Variants in TMEM185B observed in about 807,000 individuals in gnomAD.
TMEM185B encodes ee3_2.
In TMEM185B, 9 loss-of-function variants were observed where a neutral mutation model predicts 26.2. The ratio of observed to expected loss-of-function variants is 0.34; its 90% CI spans 0.21 to 0.60. The LOEUF (loss-of-function observed/expected upper bound fraction) is 0.60, where lower values mean the gene tolerates loss of function less well. Among genes scored for constraint, TMEM185B ranks in the 20% least tolerant of loss-of-function variants. The pLI, the probability that TMEM185B is intolerant of heterozygous loss-of-function variation, is 0.80. For synonymous variants in TMEM185B, 204 were observed against 191.8 expected, an observed-to-expected ratio of 1.06 and a Z score of -0.52; for missense variants, 392 against 447.9, an observed-to-expected ratio of 0.88 and a Z score of 1.13.
At position 120,222,122 on chromosome 2, in the gene TMEM185B, A is replaced by G; in HGVS notation, c.855T>C (p.Ile285=). Residue 285 remains isoleucine (I), a synonymous_variant, in exon 1 of 1, where the codon ATT becomes ATC. Coordinates refer to ENST00000426077, the MANE Select transcript of TMEM185B (RefSeq NM_024121.3). ...RRDFCQFLLE[I]FPFLREYGNI... ...TCCCATATTCTCTTAAAAATGGGAA[A>G]ATTTCAAGCAGAAACTGACAGAAGT... is the stretch of plus-strand genomic sequence containing the variant. 1 of 1,563,412 alleles carries G rather than the reference A, an allele frequency of 6.4e-7. No individual in the cohort carries two copies. Among genetic ancestry groups the G allele is most frequent in the Non-Finnish European group, 8.7e-7 (1 of 1,154,760 alleles).
Position 120,222,366 on chromosome 2 carries a change from G to A in TMEM185B, c.611C>T (p.Ala204Val). Residue 204 changes from alanine to valine, a missense_variant, in exon 1 of 1, where the codon GCC becomes GTC. Ala to Val is a moderately conservative substitution (Grantham distance 64). Coordinates refer to ENST00000426077, the MANE Select transcript of TMEM185B (RefSeq NM_024121.3). ...GGTCACGTGTGTTCTCCGCTGCTCG[G>A]CAACCACATCCAGGGACCGCAGGAA... ...LLFLRSLDVV[A>V]EQRRTHVTMA... is the part of the protein sequence containing the mutation. The A allele has an allele frequency of 6.5e-7, 1 of 1,536,184 alleles. No individual in the cohort carries two copies. The highest frequency in any genetic ancestry group is 8.7e-7 in the Non-Finnish European group (1 of 1,146,918).
In TMEM185B at chr2:120,218,400, A is replaced by C. The variant is rs1291380017; in HGVS notation, c.*3524T>G. ...GTGGTGCAGCCCTGCCTGGGTTTCC[A>C]GCCACACAACTTCCCGGATCCCTGT... is the stretch of plus-strand genomic sequence containing the variant. On this transcript the variant is annotated 3_prime_UTR_variant, in exon 1 of 1. Coordinates refer to ENST00000426077, the MANE Select transcript of TMEM185B (RefSeq NM_024121.3). 2.0e-5 allele frequency among the ~76,000 whole-genome samples: 3 copies of C among 152,166 alleles called. No homozygotes were observed. Among genetic ancestry groups the C allele is most frequent in the African/African-American group, 7.2e-5 (3 of 41,426 alleles).
rs1426310841 is a variant in TMEM185B, at chr2:120,219,438, TC to T, written c.*2485del. Among the ~76,000 whole-genome samples the T allele has an allele frequency of 6.6e-6, 1 of 151,940 alleles. No homozygotes were observed. The highest frequency in any genetic ancestry group is 1.5e-5 in the Non-Finnish European group (1 of 67,990). On this transcript the variant is annotated 3_prime_UTR_variant, in exon 1 of 1. Coordinates refer to ENST00000426077, the MANE Select transcript of TMEM185B (RefSeq NM_024121.3). ...TTGTTTCCACACTAGATGCTGGCTT[TC>T]CAACACCAGATAGCTTGGGGGAAGA... is the stretch of plus-strand genomic sequence containing the variant.
rs1488996089 is a variant in TMEM185B, at chr2:120,221,782, T to C, written c.*142A>G. On this transcript the variant is annotated 3_prime_UTR_variant, in exon 1 of 1. Coordinates refer to ENST00000426077, the MANE Select transcript of TMEM185B (RefSeq NM_024121.3). ...CACATACTGAAACCACCTCCATCTATGATGCATACTGATGAGGCGGTGATC... is the reference window on the plus strand; with the variant it reads ...CACATACTGAAACCACCTCCATCTACGATGCATACTGATGAGGCGGTGATC... 8 of 688,314 alleles carry C rather than the reference T, an allele frequency of 1.2e-5. No individual in the cohort carries two copies. In the East Asian group the frequency reaches 1.9e-4, roughly 16 times the overall value. 42.6% of individuals were successfully genotyped at this position (688,314 alleles called of 1,614,324 possible).
In TMEM185B at chr2:120,222,981, G is replaced by A; in HGVS notation, c.-5C>T. On this transcript the variant is annotated 5_prime_UTR_variant, in exon 1 of 1. Coordinates refer to ENST00000426077, the MANE Select transcript of TMEM185B (RefSeq NM_024121.3). ...GAACAGGCCCCTGGGGTTCATGGCG[G>A]AGGCCGCCGCTTGCCTGCCCGGGCC... 7.1e-7 allele frequency: 1 copy of A among 1,415,016 alleles called. No individual in the cohort carries two copies. The allele number at this position is 1,415,016 out of a possible 1,614,324, so 87.7% of individuals were successfully genotyped here. A position where few individuals can be genotyped will look rare whatever the true frequency, so the allele number is the denominator to read the frequency against.
rs772717858 is a variant in TMEM185B at position 120,220,041 on chromosome 2, G to A, written c.*1883C>T. Among the ~76,000 whole-genome samples, 178 of 152,314 alleles carry A rather than the reference G, an allele frequency of 1.2e-3. 3 individuals carry two copies. Among genetic ancestry groups the A allele is most frequent in the Non-Finnish European group, 3.2e-4 (22 of 68,028 alleles). ...GACAGAGCGAGCTCCCTCAGACAGC[G>A]AGCTCAATCCCAGCCAACTAAGCCC... On this transcript the variant is annotated 3_prime_UTR_variant, in exon 1 of 1. Coordinates refer to ENST00000426077, the MANE Select transcript of TMEM185B (RefSeq NM_024121.3).
chr2:120,222,217 A>C lies in TMEM185B; in HGVS notation c.760T>G (p.Leu254Val), dbSNP rs1204109338. 6.5e-7 allele frequency: 1 copy of C among 1,538,730 alleles called. No individual in the cohort carries two copies. Among genetic ancestry groups the C allele is most frequent in the Admixed American group, 2.0e-5 (1 of 51,152 alleles). The change falls in exon 1 of 1, where the codon TTA (leucine) becomes GTA (valine). Residue 254 changes from leucine to valine, a missense_variant. This residue lies in a region of TMEM185B where 176 missense variants were observed against 201.6 expected (regional missense o/e 0.87). Transcript: ENST00000426077. ...AATGTTGTGGCCATTAAAGTTAGTA[A>C]GGAAAGCCAAAGGGGGACAAATATG... is the stretch of plus-strand genomic sequence containing the variant. Reference protein sequence around the residue: ...VSIFVPLWLSLLTLMATTFRR... With the variant: ...VSIFVPLWLSVLTLMATTFRR...
Position 120,222,499 on chromosome 2 carries a change from G to A in TMEM185B, c.478C>T (p.Leu160=), listed in dbSNP as rs1290193351. ...CACGGCCAGTGAATAATCCTGTCCA[G>A]CTTTAGGGCGATGAAGATGAACTGC... is the stretch of plus-strand genomic sequence containing the variant. The part of the protein sequence containing the change: ...ILQFIFIALK[L]DRIIHWPWLV... The change falls in exon 1 of 1, where the codon CTG becomes TTG. Residue 160 remains leucine, a synonymous_variant. Transcript: ENST00000426077. 2.6e-6 allele frequency: 4 copies of A among 1,536,262 alleles called. No homozygotes were observed. The highest frequency in any genetic ancestry group is 3.5e-6 in the Non-Finnish European group (4 of 1,146,940).
Position 120,220,758 on chromosome 2 carries a change from C to CA in TMEM185B, c.*1165dup, listed in dbSNP as rs1558936557. 1.3e-5 allele frequency among the ~76,000 whole-genome samples: 2 copies of CA among 151,952 alleles called. No homozygotes were observed. Among genetic ancestry groups the CA allele is most frequent in the South Asian group, 2.1e-4 (1 of 4,824 alleles). On this transcript the variant is annotated 3_prime_UTR_variant, in exon 1 of 1. Transcript: ENST00000426077. ...CTCAAAACAAAACAAAACAAACAAA[C>CA]AAAAAAACAAAAGAAAAGAAAAAAG...
At position 120,221,588 on chromosome 2, in the gene TMEM185B, A is replaced by G. The variant is rs945296801; in HGVS notation, c.*336T>C. ...AATTTTAGATTAGCAGTGTATAAAA[A>G]TACTTTTTAAACAATAGTTTTGATA... On this transcript the variant is annotated 3_prime_UTR_variant, in exon 1 of 1. Coordinates refer to ENST00000426077, the MANE Select transcript of TMEM185B (RefSeq NM_024121.3). 4.4e-6 allele frequency: 1 copy of G among 229,370 alleles called. No individual in the cohort carries two copies. The highest frequency in any genetic ancestry group is 8.5e-6 in the Non-Finnish European group (1 of 117,936). 14.2% of individuals were successfully genotyped at this position (229,370 alleles called of 1,614,324 possible).
chr2:120,222,617 G>A lies in TMEM185B; in HGVS notation c.360C>T (p.Phe120=), dbSNP rs971893504. The A allele has an allele frequency of 1.3e-6, 2 of 1,536,372 alleles. No homozygotes were observed. Among genetic ancestry groups the A allele is most frequent in the Non-Finnish European group, 1.7e-6 (2 of 1,147,034 alleles). Residue 120 remains phenylalanine, a synonymous_variant, in exon 1 of 1, where the codon TTC becomes TTT. Coordinates refer to ENST00000426077, the MANE Select transcript of TMEM185B (RefSeq NM_024121.3). The part of the protein sequence containing the change: ...HFWLLVFMPL[F]FVSPVSVAAC... ...CAGCCACGGACACGGGGGACACGAA[G>A]AAGAGAGGCATGAAGACCAGCAGCC...
In TMEM185B at chr2:120,219,025, A is replaced by G. The variant is rs1182666065; in HGVS notation, c.*2899T>C. Among the ~76,000 whole-genome samples, 2 of 152,224 alleles carry G rather than the reference A, an allele frequency of 1.3e-5. No individual in the cohort carries two copies. The highest frequency in any genetic ancestry group is 4.8e-5 in the African/African-American group (2 of 41,468). On this transcript the variant is annotated 3_prime_UTR_variant, in exon 1 of 1. Transcript: ENST00000426077. ...GGGCTTGGCCTCCTGTGCTTCTGCC[A>G]TGAGAAAGAACACGGCCCAAGGTAA...
Position 120,222,721 on chromosome 2 carries a change from T to TGCCCA in TMEM185B, c.255_256insTGGGC (p.Ile86TrpfsTer75). ...AGCAGCAGGTGGATGCCCACAGCGA[T>TGCCCA]CAGCATGGCTTTGAACTCCACACAG... On this transcript the variant is annotated frameshift_variant, in exon 1 of 1. Coordinates refer to ENST00000426077, the MANE Select transcript of TMEM185B (RefSeq NM_024121.3). LOFTEE classifies it high-confidence loss of function. The TGCCCA allele has an allele frequency of 6.5e-7, 1 of 1,536,416 alleles. No individual in the cohort carries two copies. Among genetic ancestry groups the TGCCCA allele is most frequent in the Non-Finnish European group, 8.7e-7 (1 of 1,146,958 alleles).
chr2:120,222,257 T>G lies in TMEM185B; in HGVS notation c.720A>C (p.Thr240=). Residue 240 remains threonine, a synonymous_variant, in exon 1 of 1, where the codon ACA becomes ACC. Transcript: ENST00000426077. The part of the protein sequence containing the change: ...LLVHRLDGHN[T]FSYVSIFVPL... Reference sequence around the variant, plus strand: ...GGACAAATATGGAGACGTAGGAGAATGTATTGTGGCCATCCAATCTGTGAA... The same window carrying G: ...GGACAAATATGGAGACGTAGGAGAAGGTATTGTGGCCATCCAATCTGTGAA... 6.5e-7 allele frequency: 1 copy of G among 1,536,406 alleles called. No homozygotes were observed. The highest frequency in any genetic ancestry group is 1.2e-5 in the South Asian group (1 of 84,054).
chr2:120,222,400 A>C lies in TMEM185B; in HGVS notation c.577T>G (p.Ser193Ala), dbSNP rs1338400796. Residue 193 changes from serine to alanine, a missense_variant, in exon 1 of 1, where the codon TCC (serine) becomes GCC (alanine). Around this residue, in one of 3 missense-constraint regions of TMEM185B, gnomAD observed 176 missense variants for 201.6 expected, o/e 0.87. Transcript: ENST00000426077. The stretch of plus-strand genomic sequence containing the variant: ...TCCAGGGACCGCAGGAACAGGAGGG[A>C]CCAGACGATGTAATAGAGGACGACC... Reference protein sequence around the residue: ...CLVVLYYIVWSLLFLRSLDVV... With the variant: ...CLVVLYYIVWALLFLRSLDVV... The C allele has an allele frequency of 4.6e-6, 7 of 1,536,098 alleles. No individual in the cohort carries two copies. Among genetic ancestry groups the C allele is most frequent in the Non-Finnish European group, 5.2e-6 (6 of 1,146,940 alleles).
chr2:120,223,238 C>T lies in TMEM185B; in HGVS notation c.-262G>A, dbSNP rs1021674724. The T allele has an allele frequency of 8.6e-4, 247 of 286,460 alleles. 1 individual carries two copies. The highest frequency in any genetic ancestry group is 2.3e-4 in the Non-Finnish European group (35 of 154,426). The allele number at this position is 286,460 out of a possible 1,614,324, so 17.7% of individuals were successfully genotyped here. A position where few individuals can be genotyped will look rare whatever the true frequency, so the allele number is the denominator to read the frequency against. ...GGCGGCGCGGCGGTTACAAACTGGG[C>T]GCTGCCTCGGTCCCGCCGCCGCCCG... On this transcript the variant is annotated 5_prime_UTR_variant, in exon 1 of 1. Transcript: ENST00000426077.
chr2:120,222,001 C>A lies in TMEM185B; in HGVS notation c.976G>T (p.Ala326Ser). 1 of 1,539,314 alleles carries A rather than the reference C, an allele frequency of 6.5e-7. No homozygotes were observed. Among genetic ancestry groups the A allele is most frequent in the Non-Finnish European group, 8.7e-7 (1 of 1,146,918 alleles). Residue 326 changes from alanine (A) to serine (S), a missense_variant, in exon 1 of 1, where the codon GCC becomes TCC. By Grantham distance (99) the Ala-to-Ser change is moderately conservative. Around this residue, in one of 3 missense-constraint regions of TMEM185B, gnomAD observed 176 missense variants for 201.6 expected, o/e 0.87. Coordinates refer to ENST00000426077, the MANE Select transcript of TMEM185B (RefSeq NM_024121.3). ...GGGCTCTGGGTTATAACTACTCTGG[C>A]CTTCTTTCCAAATATTGGAGCAATT... is the stretch of plus-strand genomic sequence containing the variant. Reference protein sequence around the residue: ...PKIAPIFGKKARVVITQSPGK... With the variant: ...PKIAPIFGKKSRVVITQSPGK...
rs1688592046 is a variant in TMEM185B, at chr2:120,221,842, T to C, written c.*82A>G. ...GCGTGAGACGAGTGTTTGAAGCCTGTTTCCATTTCCAGGTTTGGGATGAAT... is the reference window on the plus strand; with the variant it reads ...GCGTGAGACGAGTGTTTGAAGCCTGCTTCCATTTCCAGGTTTGGGATGAAT... On this transcript the variant is annotated 3_prime_UTR_variant, in exon 1 of 1. Transcript: ENST00000426077. The C allele has an allele frequency of 1.7e-6, 2 of 1,161,698 alleles. No homozygotes were observed. Among genetic ancestry groups the C allele is most frequent in the Non-Finnish European group, 2.4e-6 (2 of 848,144 alleles). 72.0% of individuals were successfully genotyped at this position (1,161,698 alleles called of 1,614,324 possible). A position where few individuals can be genotyped will look rare whatever the true frequency, so the allele number is the denominator to read the frequency against.
At position 120,217,914 on chromosome 2, in the gene TMEM185B, G is replaced by T. The variant is rs772442295; in HGVS notation, c.*4010C>A. ...ACAGTTGATGAAGCAGCTTGGCATT[G>T]CCTCTCTTTTCTCCTAGGGAAGGGA... is the stretch of plus-strand genomic sequence containing the variant. On this transcript the variant is annotated 3_prime_UTR_variant, in exon 1 of 1. Coordinates refer to ENST00000426077, the MANE Select transcript of TMEM185B (RefSeq NM_024121.3). Among the ~76,000 whole-genome samples, 1 of 152,192 alleles carries T rather than the reference G, an allele frequency of 6.6e-6. No individual in the cohort carries two copies. The highest frequency in any genetic ancestry group is 1.5e-5 in the Non-Finnish European group (1 of 68,040).
Sources: allele counts gnomAD v4.1 joint callset (sites outside exome capture counted in the v4.1 genomes callset), GRCh38; gene constraint gnomAD v4.1.1; regional missense constraint gnomAD v4.1.1; transcripts MANE v1.5; gene names NCBI Gene and HGNC (gene_info 2026-07-23, HGNC 2026-07-21).